Variants in KAZN observed in about 807,000 individuals in gnomAD.
KAZN encodes the protein kazrin.
A neutral mutation model predicts 87.4 loss-of-function variants in KAZN; 40 were observed. The observed-to-expected ratio is 0.46, with a 90% CI of 0.36 to 0.60. The LOEUF (loss-of-function observed/expected upper bound fraction) is 0.60. Among genes scored for constraint, KAZN ranks in the 20% least tolerant of loss-of-function variants. The pLI is 0.00. For missense variants in KAZN, 898 were observed against 1,073.9 expected, an observed-to-expected ratio of 0.84 and a Z score of 2.29; for synonymous variants, 466 against 458.3, an observed-to-expected ratio of 1.02 and a Z score of -0.22.
At chr1:14,858,145 T>C (rs1650350943) in intron 1 of KAZN, among the ~76,000 whole-genome samples, 1 of 152,082 alleles carries the variant, frequency 6.6e-6, no homozygotes, top group Non-Finnish European at 1.5e-5. Context: ...TCCTTTTTTG[T>C]GATGGAATAA....
intron 1 of KAZN, among the ~76,000 whole-genome samples, chr1:13,900,133 C>T (rs1354216768): frequency 6.7e-6 from 1 of 150,318 alleles, no homozygotes; most frequent in Admixed American, 6.6e-5. Flanking sequence ...TTTCTCAAGA[C>T]TAATTCTTCT....
intron 2 of KAZN, among the ~76,000 whole-genome samples, chr1:14,571,778 A>G (rs956600734): frequency 6.6e-6 from 1 of 152,174 alleles, no homozygotes; most frequent in Admixed American, 6.5e-5. Flanking sequence ...CCCTTCATCA[A>G]ATGATCCATC....
At chr1:14,058,270 C>A (rs373440503) in intron 1 of KAZN, among the ~76,000 whole-genome samples, 1 of 152,116 alleles carries the variant, frequency 6.6e-6, no homozygotes, top group Non-Finnish European at 1.5e-5. Context: ...TACCTTTAGT[C>A]TGAGAGGAAT....
At chr1:14,203,186 G>A (rs1646674859) in intron 2 of KAZN, among the ~76,000 whole-genome samples, 2 of 152,104 alleles carry the variant, frequency 1.3e-5, no homozygotes, top group South Asian at 4.1e-4. Flanking sequence ...GAGATAGACA[G>A]TGAAAAATGG....
intron 1 of KAZN, among the ~76,000 whole-genome samples, chr1:14,942,992 CGTGTGTGTGTGTGTGGTGT>C (rs1661269659): frequency 8.5e-6 from 1 of 117,648 alleles, no homozygotes. Context: ...ATGTGAGCTG[CGTGTGTGTGTGTGTGGTGT>C]GTGTGTGTGT....
chr1:14,776,841 C>G (rs1284879972), intron 1 of KAZN, among the ~76,000 whole-genome samples: 2 of 148,222 alleles, frequency 1.3e-5, no homozygotes, highest in Non-Finnish European at 1.5e-5. Flanking sequence ...GTGGCTGAGG[C>G]AGGAGGATCA....
intron 1 of KAZN, among the ~76,000 whole-genome samples, chr1:14,046,706 G>A (rs1169923131): frequency 6.6e-6 from 1 of 152,178 alleles, no homozygotes; most frequent in African/African-American, 2.4e-5. Context: ...GACCAGGCAT[G>A]CCCTCTTCCT....
intron 1 of KAZN, among the ~76,000 whole-genome samples, chr1:14,939,150 T>C (rs1660778929): frequency 6.6e-6 from 1 of 150,958 alleles, no homozygotes; most frequent in Non-Finnish European, 1.5e-5. Context: ...TTTTTATACT[T>C]TTAGTAGGGA....
intron 2 of KAZN, among the ~76,000 whole-genome samples, chr1:14,506,460 G>C (rs1008533899): frequency 1.3e-5 from 2 of 152,158 alleles, no homozygotes; most frequent in Non-Finnish European, 2.9e-5. Flanking sequence ...GCAGAACCAT[G>C]AGAACAGTAT....
intron 2 of KAZN, 100 bp downstream of exon 2, chr1:14,960,975 G>A: frequency 1.6e-6 from 2 of 1,275,456 alleles, no homozygotes; most frequent in African/African-American, 3.0e-5. Flanking sequence ...GGACACAGGG[G>A]TCTCCCAGCA....
At chr1:14,866,503 A>C (rs774560538) in intron 1 of KAZN, among the ~76,000 whole-genome samples, 93 of 152,244 alleles carry the variant, frequency 6.1e-4, no homozygotes, top group Admixed American at 1.3e-3. Context: ...CCAAGGCAGG[A>C]GGAGTGTTTG....
At chr1:15,093,994 A>G (rs1640685273) in intron 8 of KAZN, among the ~76,000 whole-genome samples, 186 bp from the exon 9 acceptor site, 1 of 151,868 alleles carries the variant, frequency 6.6e-6, no homozygotes, top group African/African-American at 2.4e-5. Context: ...TTTTCTTTTC[A>G]TAGATTACTT....
intron 1 of KAZN, among the ~76,000 whole-genome samples, chr1:13,928,380 G>A (rs948202015): frequency 3.9e-5 from 6 of 152,080 alleles, no homozygotes; most frequent in Non-Finnish European, 8.8e-5. Context: ...TATATACCTG[G>A]CACTCTGTGT....
intron 1 of KAZN, among the ~76,000 whole-genome samples, chr1:14,135,667 G>T (rs896696338): frequency 2.6e-5 from 4 of 152,180 alleles, no homozygotes; most frequent in African/African-American, 9.7e-5. Context: ...ATGGAGCGAG[G>T]TCTTGTTTAA....
intron 2 of KAZN, among the ~76,000 whole-genome samples, chr1:15,007,927 G>A (rs1170258003): frequency 3.9e-5 from 6 of 152,198 alleles, no homozygotes; most frequent in East Asian, 1.9e-4. Context: ...GAAGGGAGCC[G>A]TGCCGTCACC....
At chr1:14,180,601 A>T in intron 2 of KAZN, 1 of 1,543,462 alleles carries the variant, frequency 6.5e-7, no homozygotes, top group Non-Finnish European at 8.7e-7. Context: ...AGGTACAAAG[A>T]TCAATACAGA....
intron 1 of KAZN, among the ~76,000 whole-genome samples, chr1:14,822,181 T>C (rs1411799280): frequency 2.0e-5 from 3 of 152,012 alleles, no homozygotes; most frequent in Non-Finnish European, 4.4e-5. Flanking sequence ...CCCAGCCAGG[T>C]AACTTGAGGG....
chr1:14,372,963 C>T (rs544149710), intron 2 of KAZN, among the ~76,000 whole-genome samples: 69 of 151,958 alleles, frequency 4.5e-4, no homozygotes, highest in Non-Finnish European at 7.8e-4. Flanking sequence ...GAAACTAATA[C>T]AAAAGAGCCT....
chr1:14,143,204 C>T (rs1297171472), intron 1 of KAZN, among the ~76,000 whole-genome samples: 1 of 152,110 alleles, frequency 6.6e-6, no homozygotes, highest in Non-Finnish European at 1.5e-5. Flanking sequence ...GGGCATAACA[C>T]CCCATGATTT....
Sources: gnomAD v4.1 joint callset for allele counts (sites outside exome capture counted in the v4.1 genomes callset) on GRCh38, gnomAD v4.1.1 for gene constraint, MANE v1.5 for transcripts, NCBI Gene and HGNC (gene_info 2026-07-23, HGNC 2026-07-21) for gene names.